Variants in KDM6A observed in about 807,000 individuals in gnomAD.
The protein encoded by KDM6A is lysine demethylase 6A.
KDM6A carries 11 observed loss-of-function variants against 117.6 expected under a neutral mutation model. That is an observed-to-expected ratio of 0.09 (90% CI 0.06 to 0.15). The LOEUF is 0.15. Ranked by LOEUF, KDM6A falls within the 10% of genes least tolerant of loss-of-function variation. The pLI, the probability that KDM6A is intolerant of heterozygous loss-of-function variation, is 1.00. For synonymous variants in KDM6A, 384 were observed against 396.1 expected (o/e 0.97, Z 0.36); for missense variants, 799 against 1,077.3 (o/e 0.74, Z 3.62).
chrX:44,956,367 C>T (rs1306572674), intron 2 of KDM6A, among the ~76,000 whole-genome samples: 1 of 110,934 alleles, frequency 9.0e-6, no homozygotes, highest in Non-Finnish European at 1.9e-5. Context: ...AAATTTCCTT[C>T]CGTTTCCTTT....
intron 27 of KDM6A, among the ~76,000 whole-genome samples, chrX:45,098,846 GT>G (rs1415217622): frequency 9.0e-6 from 1 of 111,485 alleles, no homozygotes; most frequent in Non-Finnish European, 1.9e-5. Flanking sequence ...AACTATGATG[GT>G]TTTTCTAGGT....
intron 27 of KDM6A, among the ~76,000 whole-genome samples, chrX:45,100,406 T>G (rs188107885): frequency 8.9e-6 from 1 of 112,135 alleles, no homozygotes; most frequent in East Asian, 2.8e-4. Flanking sequence ...GGTAGTATGT[T>G]TTCAATACAT....
intron 5 of KDM6A, among the ~76,000 whole-genome samples, chrX:45,020,034 A>C (rs1373713501): frequency 9.0e-6 from 1 of 111,413 alleles, no homozygotes; most frequent in Non-Finnish European, 1.9e-5. Flanking sequence ...AGCAACATAG[A>C]GTTTTGGAGT....
At chrX:45,095,800 A>T (rs2046081303) in intron 27 of KDM6A, among the ~76,000 whole-genome samples, 1 of 112,272 alleles carries the variant, frequency 8.9e-6, no homozygotes, top group Non-Finnish European at 1.9e-5. Flanking sequence ...ACCAGTGACC[A>T]ACTGTTGTAC....
At chrX:44,878,509 G>C (rs1161669224) in intron 2 of KDM6A, among the ~76,000 whole-genome samples, 1 of 111,925 alleles carries the variant, frequency 8.9e-6, no homozygotes, top group African/African-American at 3.2e-5. Context: ...TATATACTTG[G>C]TATTTCCTAA....
chrX:44,890,642 CTTTTTTTTTTTTTTTT>C (rs761568154), intron 2 of KDM6A, among the ~76,000 whole-genome samples: 2 of 34,766 alleles, frequency 5.8e-5, no homozygotes, highest in South Asian at 3.7e-3. Context: ...TGATGTTGAA[CTTTTTTTTTTTTTTTT>C]TTTTTTTTTT....
intron 2 of KDM6A, among the ~76,000 whole-genome samples, chrX:44,924,391 G>T (rs1440730444): frequency 8.9e-6 from 1 of 111,810 alleles, no homozygotes; most frequent in African/African-American, 3.3e-5. Context: ...TTTGAACTCT[G>T]TTCTGGGATG....
intron 21 of KDM6A, among the ~76,000 whole-genome samples, chrX:45,080,152 C>CCT (rs1278861413): frequency 9.0e-6 from 1 of 111,296 alleles, no homozygotes; most frequent in Non-Finnish European, 1.9e-5. Flanking sequence ...AGAGGATAAA[C>CCT]TAAGTCTCAA....
At chrX:44,929,296 T>A (rs1409161681) in intron 2 of KDM6A, among the ~76,000 whole-genome samples, 2 of 109,540 alleles carry the variant, frequency 1.8e-5, no homozygotes, top group Non-Finnish European at 3.8e-5. Flanking sequence ...TGTCATTGTT[T>A]TAAGTTCCTC....
intron 4 of KDM6A, among the ~76,000 whole-genome samples, chrX:44,980,432 G>A (rs1272042973): frequency 9.0e-6 from 1 of 110,760 alleles, no homozygotes; most frequent in African/African-American, 3.3e-5. Flanking sequence ...GCTAAGTTAG[G>A]AAGAATTTGT....
intron 6 of KDM6A, among the ~76,000 whole-genome samples, chrX:45,021,588 G>A (rs1318806733): frequency 9.0e-6 from 1 of 111,406 alleles, no homozygotes; most frequent in Admixed American, 9.6e-5. Flanking sequence ...ACTACTGAAG[G>A]TTAAAAATAA....
chrX:44,898,107 G>T (rs1183548982), intron 2 of KDM6A, among the ~76,000 whole-genome samples: 1 of 111,577 alleles, frequency 9.0e-6, no homozygotes, highest in African/African-American at 3.3e-5. Flanking sequence ...CTCTGAGTAG[G>T]GGTATAAGAT....
chrX:45,059,441 T>C lies in KDM6A; in HGVS notation c.1169T>C (p.Leu390Pro). 1 of 1,207,272 alleles carries C rather than the reference T, an allele frequency of 8.3e-7. No individual in the cohort carries two copies. Among genetic ancestry groups the C allele is most frequent in the Non-Finnish European group, 1.1e-6 (1 of 891,764 alleles). Residue 390 changes from leucine to proline, a missense_variant, in exon 12 of 30, where the codon CTT becomes CCT. Physicochemically the swap from Leu to Pro is moderately conservative, Grantham distance 98. Transcript: ENST00000611820. Reference protein sequence around the residue: ...RSKSCSNTSALAARIKYLQAQ... With the variant: ...RSKSCSNTSAPAARIKYLQAQ... ...AAAAGTTGTAGTAATACCTCTGCAC[T>C]TGCAGCACGAATTAAGTATTTACAG... is the stretch of plus-strand genomic sequence containing the variant.
chrX:44,970,849 T>C (rs1437382272), intron 3 of KDM6A, among the ~76,000 whole-genome samples: 1 of 112,188 alleles, frequency 8.9e-6, no homozygotes, highest in African/African-American at 3.2e-5. Context: ...TCTTCTGTGC[T>C]GTGGGCTTCA....
At chrX:44,934,456 C>T (rs2036848246) in intron 2 of KDM6A, among the ~76,000 whole-genome samples, 1 of 112,085 alleles carries the variant, frequency 8.9e-6, no homozygotes, top group South Asian at 3.7e-4. Context: ...TTTCTTCCTC[C>T]TCCAGTTTTA....
chrX:44,991,853 A>AT (rs67857869), intron 4 of KDM6A, among the ~76,000 whole-genome samples: 17 of 105,495 alleles, frequency 1.6e-4, no homozygotes, highest in South Asian at 4.1e-4. Context: ...CGCCTGACTA[A>AT]TTTTTTTTTT....
At chrX:45,031,576 T>A (rs995814138) in intron 6 of KDM6A, among the ~76,000 whole-genome samples, 7 of 112,040 alleles carry the variant, frequency 6.2e-5, no homozygotes, top group African/African-American at 2.3e-4. Flanking sequence ...ACCCACTGAA[T>A]CAGAACATTC....
At position 44,873,975 on chromosome X, in the gene KDM6A, C is replaced by G; in HGVS notation, c.213C>G (p.Ala71=). The change falls in exon 2 of 30, where the codon GCC becomes GCG. Residue 71 remains alanine (A), a synonymous_variant. Transcript: ENST00000611820. The stretch of plus-strand genomic sequence containing the variant: ...ATGAAGATGGCGCCAGGACGAAGGC[C>G]CTACTGGGCAAGGTAAGGCAGCTGC... ...RFHEDGARTK[A]LLGKAVRCYE... is the part of the protein sequence containing the mutation. 8.3e-7 allele frequency: 1 copy of G among 1,211,037 alleles called. No individual in the cohort carries two copies. Among genetic ancestry groups the G allele is most frequent in the Non-Finnish European group, 1.1e-6 (1 of 894,635 alleles).
chrX:44,972,052 G>T (rs2080129245), intron 3 of KDM6A, among the ~76,000 whole-genome samples: 1 of 110,748 alleles, frequency 9.0e-6, no homozygotes, highest in South Asian at 3.9e-4. Context: ...TTTTGGGGCG[G>T]TTTGTCCCTA....
Sources: allele counts gnomAD v4.1 joint callset (sites outside exome capture counted in the v4.1 genomes callset), GRCh38; gene constraint gnomAD v4.1.1; transcripts MANE v1.5; gene names NCBI Gene and HGNC (gene_info 2026-07-23, HGNC 2026-07-21).